The following GLIS3 variants were observed in gnomAD, a reference collection of about 807,000 sequenced individuals.
GLIS3 encodes zinc finger protein GLIS3.
A neutral mutation model predicts 78.6 loss-of-function variants in GLIS3; 53 were observed. The observed-to-expected ratio is 0.67, with a 90% confidence interval of 0.54 to 0.85. The LOEUF (loss-of-function observed/expected upper bound fraction) is 0.85. GLIS3 is among the 40% of genes least tolerant of loss of function. The pLI is 0.00. For synonymous variants in GLIS3, 684 were observed against 509.9 expected (o/e 1.34, Z -4.60); for missense variants, 1,703 against 1,231.1 (o/e 1.38, Z -5.74).
At chr9:3,972,941 T>G (rs1818495168) in intron 4 of GLIS3, among the ~76,000 whole-genome samples, 1 of 152,160 alleles carries the variant, frequency 6.6e-6, no homozygotes, top group African/African-American at 2.4e-5. Context: ...TTAAGCAAAC[T>G]GCAAAGTTTG....
chr9:4,398,173 A>T, the GLIS3 span, among the ~76,000 whole-genome samples: 1 of 152,024 alleles, frequency 6.6e-6, no homozygotes, highest in Non-Finnish European at 1.5e-5. Flanking sequence ...CCAAACCCAC[A>T]GAATATTCTT....
intron 10 of GLIS3, among the ~76,000 whole-genome samples, 181 bp from the exon 11 acceptor site, chr9:3,828,589 T>C (rs1372029125): frequency 6.6e-6 from 1 of 152,160 alleles, no homozygotes; most frequent in African/African-American, 2.4e-5. Context: ...GAGGCTGACT[T>C]GCAGGCAGCT....
the GLIS3 span, among the ~76,000 whole-genome samples, chr9:4,430,116 T>C: frequency 6.6e-6 from 1 of 152,140 alleles, no homozygotes; most frequent in Non-Finnish European, 1.5e-5. Context: ...GGAACTCTGA[T>C]GCCTACAGAT....
chr9:4,239,276 C>A (rs1181165476), intron 2 of GLIS3, among the ~76,000 whole-genome samples: 1 of 151,246 alleles, frequency 6.6e-6, no homozygotes, highest in East Asian at 1.9e-4. Flanking sequence ...ATGTAACAAA[C>A]CTGCACGTTG....
intron 2 of GLIS3, among the ~76,000 whole-genome samples, chr9:4,184,901 T>C (rs530093896): frequency 6.6e-6 from 1 of 152,286 alleles, no homozygotes; most frequent in South Asian, 2.1e-4. Context: ...TTGGGTTACA[T>C]TACAGCCACA....
In GLIS3 at chr9:4,347,993, T is replaced by G. The variant is rs147629402; in HGVS notation, n.161+239A>C. 5.5e-3 allele frequency among the ~76,000 whole-genome samples: 838 copies of G among 152,328 alleles called. 6 individuals are homozygous for G. Among genetic ancestry groups the G allele is most frequent in the African/African-American group, 0.019 (804 of 41,568 alleles). ...CCTCATTAAAAATCCCTTCCCAAAT[T>G]AGACAGGATATGCCAAAAACCAATT... On this transcript the variant is annotated intron_variant and non_coding_transcript_variant, in intron 1 of 4. Coordinates refer to the GLIS3 transcript ENST00000471664.
chr9:4,360,871 G>C, the GLIS3 span, among the ~76,000 whole-genome samples: 2 of 152,206 alleles, frequency 1.3e-5, no homozygotes, highest in African/African-American at 4.8e-5. Context: ...TGAGGTGGAG[G>C]AGCTGGCTGC....
chr9:4,240,793 C>G (rs1406057205), intron 2 of GLIS3, among the ~76,000 whole-genome samples: 1 of 152,050 alleles, frequency 6.6e-6, no homozygotes, highest in Non-Finnish European at 1.5e-5. Context: ...ATCTGTACAA[C>G]AAACCCTCAT....
At chr9:3,864,880 G>C (rs10758506) in intron 8 of GLIS3, among the ~76,000 whole-genome samples, 105,947 of 152,044 alleles carry the variant, frequency 0.7, 37,073 homozygotes, top group Middle Eastern at 0.76. Context: ...CTAGTTCTAC[G>C]AGAAGGTAAG....
chr9:3,991,754 G>GCA (rs1563926872), intron 4 of GLIS3, among the ~76,000 whole-genome samples: 42 of 139,482 alleles, frequency 3.0e-4, no homozygotes, highest in Non-Finnish European at 5.4e-4. Flanking sequence ...GCAGTGGTGG[G>GCA]ATCTCGGCTC....
At chr9:4,115,029 T>A (rs1831527268) in intron 4 of GLIS3, among the ~76,000 whole-genome samples, 2 of 152,218 alleles carry the variant, frequency 1.3e-5, no homozygotes, top group Non-Finnish European at 1.5e-5. Context: ...AAATTTGGCA[T>A]GAGGGAGGAT....
At chr9:4,039,445 G>A (rs1317055035) in intron 4 of GLIS3, among the ~76,000 whole-genome samples, 1 of 152,144 alleles carries the variant, frequency 6.6e-6, no homozygotes, top group Admixed American at 6.5e-5. Context: ...TGTGGAAAGA[G>A]GCCTGTGCTT....
At chr9:4,373,533 C>T in the GLIS3 span, among the ~76,000 whole-genome samples, 2 of 152,138 alleles carry the variant, frequency 1.3e-5, no homozygotes, top group African/African-American at 4.8e-5. Flanking sequence ...TCAATTTACA[C>T]CAATAATCAA....
At chr9:3,843,850 G>A (rs563611857) in intron 9 of GLIS3, among the ~76,000 whole-genome samples, 4 of 152,230 alleles carry the variant, frequency 2.6e-5, no homozygotes, top group African/African-American at 9.6e-5. Flanking sequence ...GATGAGGTTG[G>A]GTTTGGTGAT....
intron 2 of GLIS3, among the ~76,000 whole-genome samples, chr9:4,256,930 G>T (rs78652854): frequency 6.6e-6 from 1 of 152,090 alleles, no homozygotes; most frequent in African/African-American, 2.4e-5. Context: ...CAATAGCCAC[G>T]ATATTGAAAC....
chr9:4,418,505 G>C, the GLIS3 span, among the ~76,000 whole-genome samples: 191 of 152,220 alleles, frequency 1.3e-3, no homozygotes, highest in Non-Finnish European at 2.0e-3. Flanking sequence ...ATTGGACCAG[G>C]CTGGCCAACA....
chr9:3,992,159 A>G (rs1239244786), intron 4 of GLIS3, among the ~76,000 whole-genome samples: 1 of 152,232 alleles, frequency 6.6e-6, no homozygotes, highest in Non-Finnish European at 1.5e-5. Flanking sequence ...AAATGATGTT[A>G]GAATGTAACA....
the GLIS3 span, among the ~76,000 whole-genome samples, chr9:4,474,803 C>G: frequency 1.4e-5 from 2 of 147,026 alleles, no homozygotes; most frequent in Non-Finnish European, 3.0e-5. Context: ...CTCAAGTGAT[C>G]CTCCCACATC....
chr9:4,098,786 C>T (rs1318791555), intron 4 of GLIS3, among the ~76,000 whole-genome samples: 3 of 152,082 alleles, frequency 2.0e-5, no homozygotes, highest in Non-Finnish European at 2.9e-5. Context: ...AAAATATACT[C>T]TTCAATTAAT....
Sources: allele counts gnomAD v4.1 joint callset (sites outside exome capture counted in the v4.1 genomes callset), GRCh38; gene constraint gnomAD v4.1.1; transcripts MANE v1.5; gene names NCBI Gene and HGNC (gene_info 2026-07-23, HGNC 2026-07-21).